Variants in TIAM1 observed in about 807,000 individuals in gnomAD.
TIAM1 encodes the protein TIAM Rac1 associated GEF 1.
A neutral mutation model predicts 163.5 loss-of-function variants in TIAM1; 65 were observed. That is an observed-to-expected ratio of 0.40 (90% confidence interval 0.33 to 0.49). TIAM1 has a LOEUF of 0.49. Ranked by LOEUF, TIAM1 falls within the 20% of genes least tolerant of loss-of-function variation. The probability of loss-of-function intolerance (pLI) is 0.77; values close to 1 mark genes in which losing one functional copy is unlikely to be tolerated. For synonymous variants in TIAM1, 833 were observed against 810.1 expected, an observed-to-expected ratio of 1.03 and a Z score of -0.48; for missense variants, 1,789 against 2,044.7, an observed-to-expected ratio of 0.87 and a Z score of 2.41.
intron 2 of TIAM1, among the ~76,000 whole-genome samples, chr21:31,298,549 C>T (rs2074375984): frequency 6.6e-6 from 1 of 152,110 alleles, no homozygotes; most frequent in Non-Finnish European, 1.5e-5. Context: ...GGCTGGCCAG[C>T]TCTACTCTCA....
At chr21:31,489,811 C>G (rs34019109) in intron 1 of TIAM1, among the ~76,000 whole-genome samples, 5,044 of 152,262 alleles carry the variant, frequency 0.033, 114 homozygotes, top group Non-Finnish European at 0.048. Context: ...ATCCCCCTCC[C>G]CTCCCCATCC....
At chr21:31,549,343 AAT>A (rs1466130314) in intron 1 of TIAM1, among the ~76,000 whole-genome samples, 1 of 152,252 alleles carries the variant, frequency 6.6e-6, no homozygotes, top group African/African-American at 2.4e-5. Context: ...AGCTTTTAAA[AAT>A]AAATATGCAT....
chr21:31,285,551 A>T (rs994800644), intron 2 of TIAM1, among the ~76,000 whole-genome samples: 2 of 152,172 alleles, frequency 1.3e-5, no homozygotes, highest in African/African-American at 4.8e-5. Flanking sequence ...AATTCTTTTA[A>T]CAGAACATGG....
chr21:31,266,998 G>A lies in TIAM1; in HGVS notation c.-11-15C>T. On this transcript the variant is annotated splice_polypyrimidine_tract_variant and intron_variant, in intron 3 of 27. Coordinates refer to ENST00000541036, the MANE Select transcript of TIAM1 (RefSeq NM_001353694.2). Reference sequence around the variant, plus strand: ...GGTTTTATGGTCTGCAGCAAAGCGGGGGGAAAGGGGAGAATTGAGTCACTA... The same window carrying A: ...GGTTTTATGGTCTGCAGCAAAGCGGAGGGAAAGGGGAGAATTGAGTCACTA... The A allele has an allele frequency of 6.4e-7, 1 of 1,573,342 alleles. No individual in the cohort carries two copies. Among genetic ancestry groups the A allele is most frequent in the East Asian group, 2.3e-5 (1 of 44,402 alleles).
intron 2 of TIAM1, among the ~76,000 whole-genome samples, chr21:31,285,007 C>T (rs752733153): frequency 2.6e-5 from 4 of 152,182 alleles, no homozygotes; most frequent in Admixed American, 6.5e-5. Context: ...GTGCAACCTG[C>T]AATTTCCCTG....
At chr21:31,308,159 G>A (rs1432484564) in intron 2 of TIAM1, among the ~76,000 whole-genome samples, 1 of 152,168 alleles carries the variant, frequency 6.6e-6, no homozygotes, top group Non-Finnish European at 1.5e-5. Context: ...GCTAAAGTAG[G>A]AGGACTGATT....
At chr21:31,339,715 AG>A (rs1162173164) in intron 1 of TIAM1, among the ~76,000 whole-genome samples, 1 of 152,194 alleles carries the variant, frequency 6.6e-6, no homozygotes, top group Non-Finnish European at 1.5e-5. Flanking sequence ...TGTGGCTGCA[AG>A]GTACTAGAGG....
At chr21:31,257,613 T>G (rs1333987032) in intron 4 of TIAM1, among the ~76,000 whole-genome samples, 1 of 152,110 alleles carries the variant, frequency 6.6e-6, no homozygotes, top group African/African-American at 2.4e-5. Flanking sequence ...CTAACCCATC[T>G]TCCTTCCATC....
chr21:31,314,625 A>AG lies in TIAM1; in HGVS notation c.-189+24617_-189+24618insC, dbSNP rs1227052519. On this transcript the variant is annotated intron_variant, in intron 2 of 27. Coordinates refer to ENST00000541036, the MANE Select transcript of TIAM1 (RefSeq NM_001353694.2). Reference sequence around the variant, plus strand: ...TCCTATTCCAATATATTTTTTTAGAAATATTGGCTGCAAACCACTAAAATT... The same window carrying AG: ...TCCTATTCCAATATATTTTTTTAGAAGATATTGGCTGCAAACCACTAAAATT... 3.3e-5 allele frequency among the ~76,000 whole-genome samples: 5 copies of AG among 152,290 alleles called. No homozygotes were observed. In the East Asian group the frequency reaches 9.6e-4, roughly 29 times the overall value.
At chr21:31,184,455 C>T (rs1029687104) in intron 14 of TIAM1, among the ~76,000 whole-genome samples, 8 of 152,260 alleles carry the variant, frequency 5.3e-5, no homozygotes, top group African/African-American at 4.8e-5. Context: ...TTTCTAGACA[C>T]GCCAGGTGTT....
At position 31,167,996 on chromosome 21, in the gene TIAM1, G is replaced by A. The variant is rs753802324; in HGVS notation, c.2888-2931C>T. Among the ~76,000 whole-genome samples, 147 of 151,926 alleles carry A rather than the reference G, an allele frequency of 9.7e-4. 2 individuals are homozygous for A. The highest frequency in any genetic ancestry group is 1.7e-3 in the South Asian group (8 of 4,826). On this transcript the variant is annotated intron_variant, in intron 15 of 27. Transcript: ENST00000541036. The stretch of plus-strand genomic sequence containing the variant: ...AGACTAAAAGAGAAAAGTGCTCACT[G>A]GCAAAAGAAAAAGAGATGGAAAAAG...
At position 31,421,078 on chromosome 21, in the gene TIAM1, C is replaced by A. The variant is rs888593438; in HGVS notation, c.-369+42905G>T. Among the ~76,000 whole-genome samples the A allele has an allele frequency of 2.6e-5, 4 of 151,138 alleles. No homozygotes were observed. The East Asian group carries it at 7.8e-4, about 29-fold the overall frequency. ...TAGAGGTTGCAGTGAGTGCAGTGAG[C>A]CGAGATCATGCCACTACACTCCAGC... is the stretch of plus-strand genomic sequence containing the variant. On this transcript the variant is annotated intron_variant, in intron 2 of 28. Coordinates refer to the TIAM1 transcript ENST00000286827.
intron 9 of TIAM1, among the ~76,000 whole-genome samples, chr21:31,214,506 A>C (rs1481441062): frequency 2.6e-5 from 4 of 152,166 alleles, no homozygotes; most frequent in Non-Finnish European, 5.9e-5. Flanking sequence ...TACATTCTTA[A>C]GTAGAATGTG....
At chr21:31,157,527 C>T (rs1405943446) in intron 16 of TIAM1, among the ~76,000 whole-genome samples, 1 of 152,088 alleles carries the variant, frequency 6.6e-6, no homozygotes, top group Non-Finnish European at 1.5e-5. Context: ...CTTATTCCAG[C>T]TCAGGATCAT....
intron 4 of TIAM1, among the ~76,000 whole-genome samples, chr21:31,264,818 A>C (rs1367659171): frequency 6.6e-6 from 1 of 152,132 alleles, no homozygotes. Context: ...GACTGCAGGG[A>C]AGTCTGCTGG....
chr21:31,126,273 GATTAA>G (rs1568869757), intron 26 of TIAM1, among the ~76,000 whole-genome samples: 2 of 126,616 alleles, frequency 1.6e-5, no homozygotes, highest in South Asian at 3.0e-4. Flanking sequence ...GAGTATCTAC[GATTAA>G]ATTAAAGTTA....
intron 2 of TIAM1, among the ~76,000 whole-genome samples, chr21:31,363,527 G>A (rs1284896819): frequency 6.6e-6 from 1 of 151,976 alleles, no homozygotes; most frequent in Admixed American, 6.6e-5. Flanking sequence ...ACATATTTGT[G>A]CAAAAACATC....
intron 1 of TIAM1, among the ~76,000 whole-genome samples, chr21:31,499,405 C>T (rs2046773424): frequency 1.3e-5 from 2 of 151,042 alleles, no homozygotes; most frequent in South Asian, 4.2e-4. Context: ...ATAAAAAATA[C>T]CAAAAATTAG....
At chr21:31,279,503 T>G (rs1254886271) in intron 2 of TIAM1, among the ~76,000 whole-genome samples, 1 of 152,216 alleles carries the variant, frequency 6.6e-6, no homozygotes, top group East Asian at 1.9e-4. Flanking sequence ...AGCTCAGTGT[T>G]GGGAGTCCAA....
Sources: gnomAD v4.1 joint callset for allele counts (sites outside exome capture counted in the v4.1 genomes callset) on GRCh38, gnomAD v4.1.1 for gene constraint, MANE v1.5 for transcripts, NCBI Gene and HGNC (gene_info 2026-07-23, HGNC 2026-07-21) for gene names.